PROSER2: variants seen among roughly 807,000 people sequenced by gnomAD.
PROSER2 encodes proline and serine-rich protein 2.
A neutral mutation model predicts 14.6 loss-of-function variants in PROSER2; 18 were observed. The ratio of observed to expected loss-of-function variants is 1.23; its 90% CI spans 0.85 to 1.83. The LOEUF (loss-of-function observed/expected upper bound fraction) is 1.83. Among genes scored for constraint, PROSER2 ranks in the 40% most tolerant of loss-of-function variants. The probability of loss-of-function intolerance (pLI) is 0.00; values close to 1 mark genes in which losing one functional copy is unlikely to be tolerated. For missense variants in PROSER2, 823 were observed against 629.8 expected (o/e 1.31, Z -3.28); for synonymous variants, 367 against 286.4 (o/e 1.28, Z -2.84).
At chr10:11,860,122 G>A (rs533274162) in intron 2 of PROSER2, among the ~76,000 whole-genome samples, 25 of 152,304 alleles carry the variant, frequency 1.6e-4, no homozygotes, top group African/African-American at 5.1e-4. Context: ...ATTAGGCAGC[G>A]GACAGCCCAC....
In PROSER2 at chr10:11,843,229, C is replaced by T. The variant is rs1258521724; in HGVS notation, c.-81-8768C>T. 7.3e-5 allele frequency among the ~76,000 whole-genome samples: 11 copies of T among 150,458 alleles called. No individual in the cohort carries two copies. In the East Asian group the frequency reaches 1.6e-3, roughly 22 times the overall value. ...TGCCGGGATTACAGGTGCGAGCCAC[C>T]GCACCCAGCCTTGCCATTGTTCCTG... On this transcript the variant is annotated intron_variant, in intron 1 of 3. Transcript: ENST00000277570.
At chr10:11,864,552 T>G (rs913520752) in intron 2 of PROSER2, among the ~76,000 whole-genome samples, 3 of 152,110 alleles carry the variant, frequency 2.0e-5, no homozygotes, top group African/African-American at 7.2e-5. Flanking sequence ...CTTACGTAAC[T>G]TAGGCAGTTA....
rs114144981 is a variant in PROSER2 at position 11,859,544 on chromosome 10, A to G, written c.139-6987A>G. ...CGCTTTCTCCAACTCACCCTTGCCC[A>G]AGAAAGCGGCTATTTTTGCTTCTCA... On this transcript the variant is annotated intron_variant, in intron 2 of 3. Transcript: ENST00000277570. 1.9e-3 allele frequency among the ~76,000 whole-genome samples: 290 copies of G among 152,326 alleles called. 1 individual carries two copies. Among genetic ancestry groups the G allele is most frequent in the African/African-American group, 6.5e-3 (272 of 41,576 alleles).
chr10:11,855,596 A>G (rs1399630100), intron 2 of PROSER2, among the ~76,000 whole-genome samples: 2 of 152,170 alleles, frequency 1.3e-5, no homozygotes, highest in Non-Finnish European at 2.9e-5. Context: ...TTTGCTCATT[A>G]GAAACTTTTC....
rs1189619276 is a variant in PROSER2 at position 11,856,019 on chromosome 10, A to G, written c.138+3804A>G. 1.3e-5 allele frequency among the ~76,000 whole-genome samples: 2 copies of G among 152,172 alleles called. No homozygotes were observed. The highest frequency in any genetic ancestry group is 4.8e-5 in the African/African-American group (2 of 41,442). On this transcript the variant is annotated intron_variant, in intron 2 of 3. Coordinates refer to ENST00000277570, the MANE Select transcript of PROSER2 (RefSeq NM_153256.4). The surrounding 1 kb of genome is among the most constrained non-coding windows in gnomAD (Gnocchi z 5.3). ...CTAGAATGAGTTGTCCAAATCCTAGAATATGTGGCTACAAAGGCATCCCTT... is the reference window on the plus strand; with the variant it reads ...CTAGAATGAGTTGTCCAAATCCTAGGATATGTGGCTACAAAGGCATCCCTT...
chr10:11,865,283 T>A lies in PROSER2; in HGVS notation c.139-1248T>A, dbSNP rs959107280. Among the ~76,000 whole-genome samples the A allele has an allele frequency of 2.0e-5, 3 of 152,198 alleles. No individual in the cohort carries two copies. The highest frequency in any genetic ancestry group is 2.0e-4 in the Admixed American group (3 of 15,288). ...TTCATTTTTTTGTGCTGTTAGTATT[T>A]TTTATTTATTTCTAAGTCTTCTTTT... On this transcript the variant is annotated intron_variant, in intron 2 of 3. Transcript: ENST00000277570. The surrounding 1 kb of genome is among the most constrained non-coding windows in gnomAD (Gnocchi z 4.2).
In PROSER2 at chr10:11,828,738, G is replaced by C. The variant is rs542481669; in HGVS notation, c.-82+5268G>C. ...AAATAAATAAACAAACATGCTGAGA[G>C]TTTAAAGAGTTGTAGTGAAGATTTG... On this transcript the variant is annotated intron_variant, in intron 1 of 3. Transcript: ENST00000277570. Among the ~76,000 whole-genome samples, 3 of 152,194 alleles carry C rather than the reference G, an allele frequency of 2.0e-5. No homozygotes were observed. In the East Asian group the frequency reaches 5.8e-4, roughly 29 times the overall value.
At chr10:11,849,955 C>G (rs1833987545) in intron 1 of PROSER2, 1 of 152,262 alleles carries the variant, frequency 6.6e-6, no homozygotes, top group Non-Finnish European at 1.5e-5. Flanking sequence ...AGTGATGCCT[C>G]CCGTTATGTT....
At chr10:11,829,650 T>C (rs1283398208) in intron 1 of PROSER2, among the ~76,000 whole-genome samples, 3 of 151,800 alleles carry the variant, frequency 2.0e-5, no homozygotes, top group African/African-American at 7.3e-5. Context: ...CCAAACTGAC[T>C]TAGAGGCGCT....
In PROSER2 at chr10:11,871,067, T is replaced by C. The variant is rs1360708489; in HGVS notation, c.*661T>C. On this transcript the variant is annotated 3_prime_UTR_variant, in exon 4 of 4. Transcript: ENST00000277570. ...TTTGAGAAAGCAAGTCTCATCAGAC[T>C]CTGAGGTCTGGGACGTGTGCGTGAG... 1 of 152,226 alleles carries C rather than the reference T, an allele frequency of 6.6e-6. No homozygotes were observed. Among genetic ancestry groups the C allele is most frequent in the African/African-American group, 2.4e-5 (1 of 41,440 alleles). 9.4% of individuals were successfully genotyped at this position (152,226 alleles called of 1,614,324 possible).
At position 11,836,192 on chromosome 10, in the gene PROSER2, C is replaced by T. The variant is rs1008955095; in HGVS notation, c.-82+12722C>T. On this transcript the variant is annotated intron_variant, in intron 1 of 3. Coordinates refer to ENST00000277570, the MANE Select transcript of PROSER2 (RefSeq NM_153256.4). This position sits in a 1 kb window ranked among gnomAD's most constrained non-coding sequence, Gnocchi z 4.6. ...GATTACAGGCGTCCACCACTATGCC[C>T]GGCTAATTTTTTTTATTTTTTTGAG... Among the ~76,000 whole-genome samples, 4 of 151,786 alleles carry T rather than the reference C, an allele frequency of 2.6e-5. No individual in the cohort carries two copies. Among genetic ancestry groups the T allele is most frequent in the East Asian group, 1.9e-4 (1 of 5,166 alleles).
chr10:11,826,487 C>A (rs1011157344), intron 1 of PROSER2, among the ~76,000 whole-genome samples: 11 of 152,192 alleles, frequency 7.2e-5, no homozygotes, highest in African/African-American at 2.7e-4. Flanking sequence ...TTTTGTGTTC[C>A]CACTAGCAAC....
intron 2 of PROSER2, among the ~76,000 whole-genome samples, chr10:11,854,391 G>A (rs545884136): frequency 2.1e-4 from 32 of 152,276 alleles, no homozygotes; most frequent in African/African-American, 7.7e-4. Flanking sequence ...TACTGCAGCC[G>A]TGACCTCCTA....
At chr10:11,829,939 G>T (rs1380483924) in intron 1 of PROSER2, among the ~76,000 whole-genome samples, 2 of 149,508 alleles carry the variant, frequency 1.3e-5, no homozygotes, top group East Asian at 3.9e-4. Flanking sequence ...CACCTCCTGG[G>T]CTCAAGCAAT....
In PROSER2 at chr10:11,869,194, A is replaced by G. The variant is rs183160823; in HGVS notation, c.392-296A>G. On this transcript the variant is annotated intron_variant, in intron 3 of 3. Coordinates refer to ENST00000277570, the MANE Select transcript of PROSER2 (RefSeq NM_153256.4). The surrounding 1 kb of genome is among the most constrained non-coding windows in gnomAD (Gnocchi z 4.4). ...TTGGTCACTACTTGCGTCCTGTCCC[A>G]GCCTCAGGGGCTGGAGCCTCAGCAG... Among the ~76,000 whole-genome samples the G allele has an allele frequency of 6.6e-6, 1 of 152,270 alleles. No individual in the cohort carries two copies. The highest frequency in any genetic ancestry group is 6.5e-5 in the Admixed American group (1 of 15,304).
At chr10:11,849,250 G>A (rs1433945966) in intron 1 of PROSER2, among the ~76,000 whole-genome samples, 1 of 152,126 alleles carries the variant, frequency 6.6e-6, no homozygotes, top group Non-Finnish European at 1.5e-5. Flanking sequence ...GGCCATGGTG[G>A]GCCCTCCTGG....
chr10:11,842,931 CTTTTTTTTTTTTTT>C (rs558283551), intron 1 of PROSER2, among the ~76,000 whole-genome samples: 3 of 51,952 alleles, frequency 5.8e-5, no homozygotes, highest in East Asian at 5.2e-4. Context: ...TGCCATTGTT[CTTTTTTTTTTTTTT>C]TTTTTTTTTT....
chr10:11,866,753 G>T lies in PROSER2; in HGVS notation c.361G>T (p.Glu121Ter). The change falls in exon 3 of 4, where the codon GAG becomes TAG. Residue 121 changes from glutamate (E) to a stop codon, truncating the protein, a stop_gained. Transcript: ENST00000277570. LOFTEE classifies it low-confidence loss of function (END_TRUNC). The surrounding 1 kb of genome is among the most constrained non-coding windows in gnomAD (Gnocchi z 6.0). ...GCCAGCACCTGGCGCCGGGGAAGCCGAGGGCCTTCCAGAGGGGACCCAGGC... is the reference window on the plus strand; with the variant it reads ...GCCAGCACCTGGCGCCGGGGAAGCCTAGGGCCTTCCAGAGGGGACCCAGGC... Reference protein sequence around the residue: ...VQPAPGAGEAEGLPEGTQAAG... With the variant: ...VQPAPGAGEA The T allele has an allele frequency of 6.2e-7, 1 of 1,612,844 alleles. No homozygotes were observed. Among genetic ancestry groups the T allele is most frequent in the East Asian group, 2.2e-5 (1 of 44,886 alleles).
chr10:11,849,881 AT>A (rs1470628287), intron 1 of PROSER2: 4 of 152,344 alleles, frequency 2.6e-5, no homozygotes, highest in African/African-American at 9.6e-5. Flanking sequence ...GAACGTTGTT[AT>A]TGCAGGAGTG....
Sources: allele counts gnomAD v4.1 joint callset (sites outside exome capture counted in the v4.1 genomes callset), GRCh38; gene constraint gnomAD v4.1.1; non-coding constraint Gnocchi (gnomAD v3.1); transcripts MANE v1.5; gene names NCBI Gene and HGNC (gene_info 2026-07-23, HGNC 2026-07-21).